Variants in INPP4A observed in about 807,000 individuals in gnomAD.
The protein encoded by INPP4A is inositol polyphosphate-4-phosphatase type I A.
A neutral mutation model predicts 119.8 loss-of-function variants in INPP4A; 33 were observed. The observed-to-expected ratio is 0.28, with a 90% CI of 0.21 to 0.37. INPP4A has a LOEUF of 0.37. Ranked by LOEUF, INPP4A falls within the 10% of genes least tolerant of loss-of-function variation. The probability of loss-of-function intolerance (pLI) is 1.00; values close to 1 mark genes in which losing one functional copy is unlikely to be tolerated. For missense variants in INPP4A, 956 were observed against 1,289.9 expected, an observed-to-expected ratio of 0.74 and a Z score of 3.97; for synonymous variants, 496 against 500.7, an observed-to-expected ratio of 0.99 and a Z score of 0.12.
At chr2:98,513,183 T>G (rs1221352505) in intron 1 of INPP4A, among the ~76,000 whole-genome samples, 1 of 152,078 alleles carries the variant, frequency 6.6e-6, no homozygotes, top group African/African-American at 2.4e-5. Flanking sequence ...TCCTCCTGCA[T>G]CGCCTCCCAG....
intron 10 of INPP4A, among the ~76,000 whole-genome samples, chr2:98,540,230 C>A (rs763540635): frequency 7.9e-5 from 12 of 152,220 alleles, no homozygotes; most frequent in East Asian, 3.9e-4. Flanking sequence ...CCATGCCCGG[C>A]CTTCCTTCTC....
chr2:98,575,725 GTGT>G (rs1265493619), intron 23 of INPP4A, among the ~76,000 whole-genome samples: 1 of 152,162 alleles, frequency 6.6e-6, no homozygotes, highest in African/African-American at 2.4e-5. Context: ...TGACAAGCAG[GTGT>G]TGTGCCATCT....
At chr2:98,556,095 G>A (rs1694443801) in intron 16 of INPP4A, 2 of 388,088 alleles carry the variant, frequency 5.2e-6, no homozygotes, top group Non-Finnish European at 9.2e-6. Flanking sequence ...GGGCTCCTGG[G>A]CTTTTCAGGT....
rs182367747 is a variant in INPP4A, at chr2:98,582,346, T to G, written c.2787-5130T>G. Among the ~76,000 whole-genome samples, 585 of 152,376 alleles carry G rather than the reference T, an allele frequency of 3.8e-3. 3 individuals are homozygous for G. Among genetic ancestry groups the G allele is most frequent in the African/African-American group, 0.013 (548 of 41,578 alleles). On this transcript the variant is annotated intron_variant, in intron 24 of 24. Transcript: ENST00000409851. Reference sequence around the variant, plus strand: ...CTACCATTTCCTTGCTTATGTTTATTATTTCCAATTAAGGATGACACAAAG... The same window carrying G: ...CTACCATTTCCTTGCTTATGTTTATGATTTCCAATTAAGGATGACACAAAG...
chr2:98,520,613 C>A, intron 3 of INPP4A, 74 bp from the exon 4 acceptor site: 2 of 870,090 alleles, frequency 2.3e-6, no homozygotes, highest in South Asian at 1.6e-5. Context: ...AGTAGAGGGT[C>A]ATTTGTGCAT....
chr2:98,485,392 T>A (rs1679328716), intron 1 of INPP4A, among the ~76,000 whole-genome samples: 1 of 152,220 alleles, frequency 6.6e-6, no homozygotes, highest in Non-Finnish European at 1.5e-5. Context: ...GAACTGATTT[T>A]AGTTAAGGTA....
rs992801530 is a variant in INPP4A at position 98,520,029 on chromosome 2, A to G, written c.-20A>G. 3.8e-6 allele frequency: 6 copies of G among 1,558,540 alleles called. No homozygotes were observed. Among genetic ancestry groups the G allele is most frequent in the African/African-American group, 1.4e-5 (1 of 73,740 alleles). ...GTGGTCTGACCGAGGATCAAGAAGC[A>G]CATCATCACCAATGACATCATGACA... On this transcript the variant is annotated 5_prime_UTR_variant, in exon 3 of 25. Transcript: ENST00000409851.
At chr2:98,559,530 C>CTTGGTAGT (rs1695090433) in intron 17 of INPP4A, 35 bp downstream of exon 17, 1 of 1,604,362 alleles carries the variant, frequency 6.2e-7, no homozygotes, top group Non-Finnish European at 8.5e-7. Context: ...CTGCTGATGC[C>CTTGGTAGT]CTTTTAATTG....
chr2:98,577,914 C>T (rs1182731346), intron 24 of INPP4A, among the ~76,000 whole-genome samples: 1 of 152,198 alleles, frequency 6.6e-6, no homozygotes, highest in Non-Finnish European at 1.5e-5. Context: ...ACAGTCACTT[C>T]TACTAAATGT....
intron 1 of INPP4A, among the ~76,000 whole-genome samples, chr2:98,516,879 A>G (rs778150816): frequency 6.6e-6 from 1 of 152,052 alleles, no homozygotes; most frequent in African/African-American, 2.4e-5. Context: ...ACCTCTTTAA[A>G]TGGCTGCAAA....
At chr2:98,533,272 T>G (rs1689593161) in intron 4 of INPP4A, 105 bp from the exon 5 acceptor site, 1 of 697,506 alleles carries the variant, frequency 1.4e-6, no homozygotes, top group Non-Finnish European at 2.5e-6. Context: ...CTCATCTCTT[T>G]GAATGTCATT....
At position 98,497,401 on chromosome 2, in the gene INPP4A, A is replaced by G. The variant is rs1317236849; in HGVS notation, c.-165-21563A>G. ...GGGCACCGCCTAGTGGAGCTGTGAGAAGAGGACCACTGTCCTCCAGAGCCC... is the reference window on the plus strand; with the variant it reads ...GGGCACCGCCTAGTGGAGCTGTGAGGAGAGGACCACTGTCCTCCAGAGCCC... On this transcript the variant is annotated intron_variant, in intron 1 of 24. Coordinates refer to ENST00000409851, the MANE Select transcript of INPP4A (RefSeq NM_001134225.2). 2.0e-5 allele frequency among the ~76,000 whole-genome samples: 3 copies of G among 152,296 alleles called. No homozygotes were observed. The East Asian group carries it at 5.8e-4, about 29-fold the overall frequency.
Position 98,554,357 on chromosome 2 carries a change from C to T in INPP4A, c.1434C>T (p.Ala478=), listed in dbSNP as rs573029700. The change falls in exon 15 of 25, where the codon GCC becomes GCT. Residue 478 remains alanine (A), a synonymous_variant. Transcript: ENST00000409851. The surrounding 1 kb of genome is among the most constrained non-coding windows in gnomAD (Gnocchi z 4.7). ...GLNAARPDYI[A]SKASPTSTEE... is the part of the protein sequence containing the mutation. The stretch of plus-strand genomic sequence containing the variant: ...ACGCTGCACGGCCTGACTACATTGC[C>T]TCCAAGGCCTCTCCCACTTCGACTG... 1 of 1,613,494 alleles carries T rather than the reference C, an allele frequency of 6.2e-7. No individual in the cohort carries two copies. Among genetic ancestry groups the T allele is most frequent in the Non-Finnish European group, 8.5e-7 (1 of 1,179,782 alleles).
chr2:98,528,711 C>T lies in INPP4A; in HGVS notation c.152-4666C>T, dbSNP rs569265500. Among the ~76,000 whole-genome samples, 6 of 152,294 alleles carry T rather than the reference C, an allele frequency of 3.9e-5. No homozygotes were observed. The East Asian group carries it at 1.2e-3, about 29-fold the overall frequency. Reference sequence around the variant, plus strand: ...TCAATAAGAGTAACAGCTAATTTCTCATCAGAAACCATGGAGGTCAGGAAG... The same window carrying T: ...TCAATAAGAGTAACAGCTAATTTCTTATCAGAAACCATGGAGGTCAGGAAG... On this transcript the variant is annotated intron_variant, in intron 4 of 24. Transcript: ENST00000409851.
chr2:98,554,579 C>T lies in INPP4A; in HGVS notation c.1566+90C>T. 8.6e-7 allele frequency: 1 copy of T among 1,168,050 alleles called. No homozygotes were observed. The highest frequency in any genetic ancestry group is 1.2e-6 in the Non-Finnish European group (1 of 815,526). The allele number at this position is 1,168,050 out of a possible 1,614,324, so 72.4% of individuals were successfully genotyped here. On this transcript the variant is annotated intron_variant, in intron 15 of 24. Coordinates refer to ENST00000409851, the MANE Select transcript of INPP4A (RefSeq NM_001134225.2). The surrounding 1 kb of genome is among the most constrained non-coding windows in gnomAD (Gnocchi z 4.7). The stretch of plus-strand genomic sequence containing the variant: ...GCCAGTCTCTGCCCCTCTGAAGTGC[C>T]TCAAGGTTCAACTGCTGTGAACAAG...
intron 10 of INPP4A, among the ~76,000 whole-genome samples, chr2:98,541,390 C>T (rs1230726142): frequency 1.3e-5 from 2 of 151,832 alleles, no homozygotes; most frequent in Non-Finnish European, 2.9e-5. Context: ...CCTAAAATCA[C>T]CAATTGTTAA....
At chr2:98,506,687 A>G (rs932098564) in intron 1 of INPP4A, among the ~76,000 whole-genome samples, 1 of 152,188 alleles carries the variant, frequency 6.6e-6, no homozygotes, top group Non-Finnish European at 1.5e-5. Flanking sequence ...CCTTGCTTGC[A>G]TTGGCAGCAG....
intron 24 of INPP4A, among the ~76,000 whole-genome samples, chr2:98,584,350 C>T (rs1026085648): frequency 3.9e-5 from 6 of 152,230 alleles, no homozygotes; most frequent in African/African-American, 7.2e-5. Flanking sequence ...TGGTGACTTA[C>T]GTGCACTCCC....
Position 98,459,195 on chromosome 2 carries a change from C to T in INPP4A, c.-166+14110C>T, listed in dbSNP as rs758639377. Among the ~76,000 whole-genome samples, 9 of 152,146 alleles carry T rather than the reference C, an allele frequency of 5.9e-5. No individual in the cohort carries two copies. In the East Asian group the frequency reaches 1.2e-3, roughly 20 times the overall value. On this transcript the variant is annotated intron_variant, in intron 1 of 24. Coordinates refer to ENST00000409851, the MANE Select transcript of INPP4A (RefSeq NM_001134225.2). Reference sequence around the variant, plus strand: ...AGTGGGAGTGACACTGAGTAGACCTCGGCCAGGGGCTTGCCCCTAAACCAG... The same window carrying T: ...AGTGGGAGTGACACTGAGTAGACCTTGGCCAGGGGCTTGCCCCTAAACCAG...
Sources: gnomAD v4.1 joint callset for allele counts (sites outside exome capture counted in the v4.1 genomes callset) on GRCh38, gnomAD v4.1.1 for gene constraint, Gnocchi (gnomAD v3.1) non-coding constraint, MANE v1.5 for transcripts, NCBI Gene and HGNC (gene_info 2026-07-23, HGNC 2026-07-21) for gene names.